GALNT17: variants seen among roughly 807,000 people sequenced by gnomAD.
GALNT17 encodes the protein polypeptide N-acetylgalactosaminyltransferase 17.
In GALNT17, 29 loss-of-function variants were observed where a neutral mutation model predicts 63.7. The observed-to-expected ratio is 0.46, with a 90% CI of 0.34 to 0.62. GALNT17 has a LOEUF of 0.62. GALNT17 is among the 20% of genes least tolerant of loss of function. The pLI, the probability that GALNT17 is intolerant of heterozygous loss-of-function variation, is 0.01. For missense variants in GALNT17, 603 were observed against 799.6 expected, an observed-to-expected ratio of 0.75 and a Z score of 2.97; for synonymous variants, 305 against 318.3, an observed-to-expected ratio of 0.96 and a Z score of 0.45.
At chr7:71,401,569 G>T (rs185888415) in intron 3 of GALNT17, among the ~76,000 whole-genome samples, 1 of 152,110 alleles carries the variant, frequency 6.6e-6, no homozygotes, top group East Asian at 1.9e-4. Flanking sequence ...GCAAAACTTC[G>T]TCTGTATTTA....
At chr7:71,218,160 G>C (rs759239299) in intron 1 of GALNT17, among the ~76,000 whole-genome samples, 1 of 152,164 alleles carries the variant, frequency 6.6e-6, no homozygotes, top group African/African-American at 2.4e-5. Flanking sequence ...TTGGGAGGCC[G>C]AGGCGGATGG....
chr7:71,693,301 C>CATATATATATAT (rs1280771901), intron 9 of GALNT17, among the ~76,000 whole-genome samples: 2 of 82,522 alleles, frequency 2.4e-5, no homozygotes, highest in African/African-American at 7.4e-5. Flanking sequence ...CACACACACA[C>CATATATATATAT]ACACACACAT....
chr7:71,448,814 T>C (rs1422536702), intron 5 of GALNT17, among the ~76,000 whole-genome samples: 1 of 152,194 alleles, frequency 6.6e-6, no homozygotes, highest in Non-Finnish European at 1.5e-5. Context: ...GTATGGATTT[T>C]TGTGTATGAA....
At chr7:71,271,320 C>G (rs1234893367) in intron 1 of GALNT17, among the ~76,000 whole-genome samples, 3 of 152,228 alleles carry the variant, frequency 2.0e-5, no homozygotes, top group Non-Finnish European at 4.4e-5. Flanking sequence ...GCACGGGGCA[C>G]AGTCTAGCAT....
At chr7:71,306,601 A>G (rs1268372967) in intron 1 of GALNT17, among the ~76,000 whole-genome samples, 2 of 152,190 alleles carry the variant, frequency 1.3e-5, no homozygotes, top group Non-Finnish European at 2.9e-5. Flanking sequence ...AATCCATTGT[A>G]TGTTTACATC....
intron 6 of GALNT17, among the ~76,000 whole-genome samples, chr7:71,617,312 G>GT (rs1423286884): frequency 6.7e-6 from 1 of 149,468 alleles, no homozygotes; most frequent in South Asian, 2.1e-4. Flanking sequence ...TGCAGGGGCG[G>GT]GGGGGGTTGG....
intron 6 of GALNT17, among the ~76,000 whole-genome samples, chr7:71,650,675 T>C (rs1436293104): frequency 6.6e-6 from 1 of 152,178 alleles, no homozygotes; most frequent in African/African-American, 2.4e-5. Context: ...AAACATAGCT[T>C]ATCTATAATT....
chr7:71,674,367 A>G (rs1156290611), intron 8 of GALNT17, among the ~76,000 whole-genome samples: 1 of 151,322 alleles, frequency 6.6e-6, no homozygotes, highest in Non-Finnish European at 1.5e-5. Context: ...AAAAAAAGAG[A>G]TAGGGTCTTG....
intron 1 of GALNT17, among the ~76,000 whole-genome samples, chr7:71,259,640 T>TTG (rs1562953643): frequency 6.8e-6 from 1 of 146,298 alleles, no homozygotes; most frequent in Non-Finnish European, 1.5e-5. Context: ...TGTTTTTTGT[T>TTG]TTTTTGTTTT....
At chr7:71,685,781 T>C (rs1305093421) in intron 9 of GALNT17, 1 of 152,118 alleles carries the variant, frequency 6.6e-6, no homozygotes, top group Non-Finnish European at 1.5e-5. Context: ...TGCTGTGAAT[T>C]AGGCCATATA....
intron 2 of GALNT17, among the ~76,000 whole-genome samples, chr7:71,346,676 G>C (rs1046934257): frequency 2.1e-5 from 3 of 143,560 alleles, no homozygotes; most frequent in East Asian, 2.1e-4. Context: ...TCTATGATGG[G>C]GTTGCCAGAA....
chr7:71,244,780 C>T (rs1583793205), intron 1 of GALNT17, among the ~76,000 whole-genome samples: 1 of 152,034 alleles, frequency 6.6e-6, no homozygotes, highest in African/African-American at 2.4e-5. Flanking sequence ...GAGACCTTAT[C>T]TCTACAAAAA....
chr7:71,257,399 A>C (rs1790308329), intron 1 of GALNT17, among the ~76,000 whole-genome samples: 1 of 152,198 alleles, frequency 6.6e-6, no homozygotes, highest in Non-Finnish European at 1.5e-5. Flanking sequence ...GGATTAGCTA[A>C]TGAATTTTTC....
intron 1 of GALNT17, among the ~76,000 whole-genome samples, chr7:71,141,840 C>CTGTG (rs34121771): frequency 0.1 from 12,890 of 124,900 alleles, 882 homozygotes; most frequent in African/African-American, 0.16. Flanking sequence ...CCACGTCTGG[C>CTGTG]TGTGTGTGTG....
chr7:71,191,496 A>G (rs1378147036), intron 1 of GALNT17, among the ~76,000 whole-genome samples: 1 of 152,226 alleles, frequency 6.6e-6, no homozygotes, highest in Non-Finnish European at 1.5e-5. Flanking sequence ...AGTGTAGACA[A>G]TATGTAAATA....
chr7:71,363,519 T>C (rs1563035371), intron 2 of GALNT17, among the ~76,000 whole-genome samples: 1 of 152,150 alleles, frequency 6.6e-6, no homozygotes, highest in Non-Finnish European at 1.5e-5. Context: ...TTCCCTTTGA[T>C]TGAGACCTTT....
At chr7:71,472,590 G>A (rs1358940456) in intron 5 of GALNT17, among the ~76,000 whole-genome samples, 3 of 152,192 alleles carry the variant, frequency 2.0e-5, no homozygotes, top group Non-Finnish European at 4.4e-5. Context: ...GGAGGCAGAG[G>A]CAGGAGAATT....
At chr7:71,248,252 G>T (rs1183350632) in intron 1 of GALNT17, among the ~76,000 whole-genome samples, 1 of 152,144 alleles carries the variant, frequency 6.6e-6, no homozygotes, top group East Asian at 1.9e-4. Flanking sequence ...ACTCACTGTC[G>T]TGAGAACAGC....
At chr7:71,317,764 T>C (rs945416293) in intron 1 of GALNT17, among the ~76,000 whole-genome samples, 5 of 152,208 alleles carry the variant, frequency 3.3e-5, no homozygotes, top group African/African-American at 1.2e-4. Context: ...CTCCAAGACG[T>C]TGGATTTTAC....
Sources: gnomAD v4.1 joint callset for allele counts (sites outside exome capture counted in the v4.1 genomes callset) on GRCh38, gnomAD v4.1.1 for gene constraint, MANE v1.5 for transcripts, NCBI Gene and HGNC (gene_info 2026-07-23, HGNC 2026-07-21) for gene names.